Variants in LRRC1 observed in about 807,000 individuals in gnomAD.
LRRC1 encodes leucine-rich repeat-containing protein 1.
A neutral mutation model predicts 69.9 loss-of-function variants in LRRC1; 28 were observed. That is an observed-to-expected ratio of 0.40 (90% CI 0.30 to 0.55). LRRC1 has a LOEUF of 0.55. Ranked by LOEUF, LRRC1 falls within the 20% of genes least tolerant of loss-of-function variation. The pLI, the probability that LRRC1 is intolerant of heterozygous loss-of-function variation, is 0.47. For synonymous variants in LRRC1, 236 were observed against 240.2 expected (o/e 0.98, Z 0.16); for missense variants, 498 against 609.0 (o/e 0.82, Z 1.92).
At chr6:53,919,105 A>G (rs1052608152) in intron 11 of LRRC1, 4 of 154,070 alleles carry the variant, frequency 2.6e-5, no homozygotes, top group African/African-American at 9.7e-5. Flanking sequence ...CCTGTCAGTG[A>G]GGCTGTGGCC....
Position 53,902,727 on chromosome 6 carries a change from C to T in LRRC1, c.886C>T (p.Leu296Phe), listed in dbSNP as rs983890530. The T allele has an allele frequency of 1.9e-6, 3 of 1,611,272 alleles. No individual in the cohort carries two copies. In the African/African-American group the frequency reaches 4.0e-5, roughly 22 times the overall value. ...ATGTGAAAGTCTCACTGAGTTAGTT[C>T]TTACAGAAAATCAGCTCCTGGTAAG... ...GECESLTELV[L>F]TENQLLTLPK... Residue 296 changes from leucine (L) to phenylalanine (F), a missense_variant, in exon 9 of 14, where the codon CTT becomes TTT. Around this residue, in one of 3 missense-constraint regions of LRRC1, gnomAD observed 266 missense variants for 383.9 expected, o/e 0.69. Coordinates refer to ENST00000370888, the MANE Select transcript of LRRC1 (RefSeq NM_018214.5).
At chr6:53,922,514 C>A (rs941486125) in intron 13 of LRRC1, 121 bp from the exon 14 acceptor site, 3 of 866,286 alleles carry the variant, frequency 3.5e-6, no homozygotes, top group African/African-American at 3.4e-5. Context: ...AGCTTTTCCA[C>A]CCATTTTAAG....
At chr6:53,798,666 A>G (rs978271850) in intron 1 of LRRC1, among the ~76,000 whole-genome samples, 4 of 152,236 alleles carry the variant, frequency 2.6e-5, no homozygotes, top group Non-Finnish European at 5.9e-5. Context: ...GGCGTGAGCC[A>G]CCATGCCCGG....
intron 1 of LRRC1, among the ~76,000 whole-genome samples, chr6:53,825,836 T>C (rs574796294): frequency 6.6e-6 from 1 of 152,272 alleles, no homozygotes; most frequent in East Asian, 1.9e-4. Context: ...AATTTTTATA[T>C]CCTTTTGATT....
chr6:53,860,820 G>A (rs1261226001), intron 2 of LRRC1, among the ~76,000 whole-genome samples: 1 of 152,182 alleles, frequency 6.6e-6, no homozygotes, highest in African/African-American at 2.4e-5. Context: ...GCTTTATTAT[G>A]GGGGTGAAGT....
rs980487947 is a variant in LRRC1, at chr6:53,810,419, G to C, written c.159+15004G>C. 3.3e-5 allele frequency among the ~76,000 whole-genome samples: 5 copies of C among 152,272 alleles called. No individual in the cohort carries two copies. In the East Asian group the frequency reaches 7.7e-4, roughly 24 times the overall value. On this transcript the variant is annotated intron_variant, in intron 1 of 13. Coordinates refer to ENST00000370888, the MANE Select transcript of LRRC1 (RefSeq NM_018214.5). ...GCGGATCATGAGGTCAGGAGATAGA[G>C]ACCATCTTGGCTAACATGGTGAAAC...
chr6:53,846,448 G>A (rs1271631559), intron 2 of LRRC1, among the ~76,000 whole-genome samples: 1 of 152,222 alleles, frequency 6.6e-6, no homozygotes, highest in Non-Finnish European at 1.5e-5. Flanking sequence ...TCTGCTGTCA[G>A]CACGCGGTCG....
chr6:53,805,363 T>TG (rs1424923803), intron 1 of LRRC1, among the ~76,000 whole-genome samples: 1 of 152,170 alleles, frequency 6.6e-6, no homozygotes, highest in East Asian at 1.9e-4. Flanking sequence ...ATTCTTACTC[T>TG]GGGTTGACTC....
chr6:53,803,575 AGT>A (rs897736791), intron 1 of LRRC1, among the ~76,000 whole-genome samples: 7 of 147,440 alleles, frequency 4.7e-5, no homozygotes, highest in African/African-American at 1.7e-4. Context: ...GATCTAATAG[AGT>A]GTGTGTGTGT....
chr6:53,842,770 G>T (rs1187536315), intron 2 of LRRC1, among the ~76,000 whole-genome samples: 1 of 152,146 alleles, frequency 6.6e-6, no homozygotes, highest in Admixed American at 6.5e-5. Context: ...AGACCTGCTT[G>T]CGTTCAGGCA....
chr6:53,851,314 TC>T (rs1190581860), intron 2 of LRRC1, among the ~76,000 whole-genome samples: 3 of 152,038 alleles, frequency 2.0e-5, no homozygotes, highest in Non-Finnish European at 4.4e-5. Context: ...ACTGAGAAAT[TC>T]CAGGATTTGC....
At chr6:53,809,339 TATAAC>T (rs1355543724) in intron 1 of LRRC1, among the ~76,000 whole-genome samples, 5 of 152,214 alleles carry the variant, frequency 3.3e-5, no homozygotes, top group South Asian at 2.1e-4. Flanking sequence ...AGATCCATCT[TATAAC>T]ATATTACACT....
At chr6:53,914,466 C>G (rs2127441797) in intron 11 of LRRC1, among the ~76,000 whole-genome samples, 1 of 152,262 alleles carries the variant, frequency 6.6e-6, no homozygotes, top group East Asian at 1.9e-4. Flanking sequence ...GTGTTTACAG[C>G]TAATGTCAGA....
At chr6:53,832,603 AC>A (rs1273350372) in intron 1 of LRRC1, among the ~76,000 whole-genome samples, 1 of 152,118 alleles carries the variant, frequency 6.6e-6, no homozygotes, top group East Asian at 1.9e-4. Context: ...TTTTGAAAGA[AC>A]CTTTTTCTTT....
At chr6:53,869,477 A>G (rs1335096767) in intron 2 of LRRC1, among the ~76,000 whole-genome samples, 1 of 152,224 alleles carries the variant, frequency 6.6e-6, no homozygotes, top group East Asian at 1.9e-4. Flanking sequence ...AATAACCTGC[A>G]AGCTGTATAG....
chr6:53,824,500 C>T (rs191110531), intron 1 of LRRC1, among the ~76,000 whole-genome samples: 20 of 152,238 alleles, frequency 1.3e-4, no homozygotes, highest in Non-Finnish European at 1.9e-4. Context: ...AATGAGATCC[C>T]ATTTGTCAAT....
intron 11 of LRRC1, 21 bp from the exon 12 acceptor site, chr6:53,919,477 T>TTTAA (rs371290750): frequency 7.1e-5 from 89 of 1,256,936 alleles, no homozygotes; most frequent in Middle Eastern, 2.2e-4. Flanking sequence ...TCTCTTTTTT[T>TTTAA]AAAAAAAAAA....
chr6:53,834,773 G>A (rs4515373), intron 1 of LRRC1, among the ~76,000 whole-genome samples: 85,707 of 151,886 alleles, frequency 0.56, 24,706 homozygotes, highest in East Asian at 0.71. Flanking sequence ...GGAGATCGAG[G>A]CCATCCTGGC....
intron 11 of LRRC1, among the ~76,000 whole-genome samples, 154 bp downstream of exon 11, chr6:53,914,123 G>C (rs374075582): frequency 8.5e-5 from 13 of 152,238 alleles, no homozygotes; most frequent in East Asian, 7.7e-4. Context: ...TCCTTCATAG[G>C]GGGGCTAGAG....
Sources: gnomAD v4.1 joint callset for allele counts (sites outside exome capture counted in the v4.1 genomes callset) on GRCh38, gnomAD v4.1.1 for gene constraint, gnomAD v4.1.1 regional missense constraint, MANE v1.5 for transcripts, NCBI Gene and HGNC (gene_info 2026-07-23, HGNC 2026-07-21) for gene names.